Variants in CDK17 observed in about 807,000 individuals in gnomAD.
The protein encoded by CDK17 is cyclin-dependent kinase 17.
Under a neutral mutation model 77.6 loss-of-function variants are expected in CDK17, and 24 were observed. The ratio of observed to expected loss-of-function variants is 0.31; its 90% CI spans 0.22 to 0.44. The LOEUF is 0.44. Ranked by LOEUF, CDK17 falls within the 20% of genes least tolerant of loss-of-function variation. The probability of loss-of-function intolerance (pLI) is 1.00; values close to 1 mark genes in which losing one functional copy is unlikely to be tolerated. For synonymous variants in CDK17, 203 were observed against 210.4 expected (o/e 0.96, Z 0.30); for missense variants, 429 against 622.5 (o/e 0.69, Z 3.31).
At chr12:96,335,300 A>C (rs1308570898) in intron 1 of CDK17, 1 of 265,404 alleles carries the variant, frequency 3.8e-6, no homozygotes, top group East Asian at 1.1e-4. Context: ...GACAAAGAAC[A>C]ATGTTTGACA....
intron 5 of CDK17, among the ~76,000 whole-genome samples, chr12:96,304,524 A>T (rs972241275): frequency 1.4e-5 from 2 of 142,076 alleles, no homozygotes; most frequent in Non-Finnish European, 3.0e-5. Flanking sequence ...CGACAGAGCA[A>T]GACTCTGTCT....
Position 96,297,287 on chromosome 12 carries a change from T to G in CDK17, c.856A>C (p.Ser286Arg). The change falls in exon 9 of 17, where the codon AGT (serine) becomes CGT (arginine). Residue 286 changes from serine to arginine, a missense_variant. Coordinates refer to ENST00000261211, the MANE Select transcript of CDK17 (RefSeq NM_002595.5). ...AAACATACCTTTACGTTGTGCATAC[T>G]CATGATGTTTCCACAGTCATCCATG... ...QYMDDCGNIM[S>R]MHNVKLFLYQ... 6.2e-7 allele frequency: 1 copy of G among 1,610,812 alleles called. No individual in the cohort carries two copies. Among genetic ancestry groups the G allele is most frequent in the Non-Finnish European group, 8.5e-7 (1 of 1,177,860 alleles).
intron 6 of CDK17, 55 bp from the exon 7 acceptor site, chr12:96,299,038 T>A: frequency 1.3e-6 from 1 of 795,704 alleles, no homozygotes. Flanking sequence ...GTCTATTTAA[T>A]ACCATCTTAT....
intron 1 of CDK17, among the ~76,000 whole-genome samples, chr12:96,373,560 ACC>A (rs1346509007): frequency 1.3e-5 from 2 of 151,938 alleles, no homozygotes; most frequent in African/African-American, 4.8e-5. Context: ...GCGCCATTGC[ACC>A]CCAGCCTAGG....
intron 5 of CDK17, among the ~76,000 whole-genome samples, chr12:96,301,578 G>A (rs1952505094): frequency 6.6e-6 from 1 of 152,088 alleles, no homozygotes; most frequent in South Asian, 2.1e-4. Context: ...AATGGAAAAG[G>A]TAATGATAAT....
intron 2 of CDK17, among the ~76,000 whole-genome samples, chr12:96,327,193 G>C (rs994362692): frequency 6.6e-6 from 1 of 152,156 alleles, no homozygotes; most frequent in Non-Finnish European, 1.5e-5. Flanking sequence ...CAATGGTGGG[G>C]GGATTGGGAG....
intron 1 of CDK17, among the ~76,000 whole-genome samples, chr12:96,386,293 G>A (rs909587136): frequency 3.9e-5 from 6 of 152,152 alleles, no homozygotes; most frequent in Non-Finnish European, 8.8e-5. Flanking sequence ...ACTGCACCCA[G>A]GTAGAAAGTT....
intron 5 of CDK17, among the ~76,000 whole-genome samples, chr12:96,307,738 G>A (rs754613178): frequency 1.1e-4 from 16 of 152,058 alleles, no homozygotes; most frequent in Non-Finnish European, 2.2e-4. Context: ...AGGCATGGTG[G>A]CACATGCCTG....
At chr12:96,333,019 T>C (rs1441154406) in intron 2 of CDK17, among the ~76,000 whole-genome samples, 1 of 152,168 alleles carries the variant, frequency 6.6e-6, no homozygotes, top group Admixed American at 6.5e-5. Context: ...ACTAAAAATA[T>C]GTCCCAGAAA....
intron 3 of CDK17, among the ~76,000 whole-genome samples, chr12:96,319,167 AC>A (rs1292725584): frequency 6.6e-6 from 1 of 151,370 alleles, no homozygotes; most frequent in African/African-American, 2.4e-5. Flanking sequence ...AATACTACAA[AC>A]ACCTGTACGC....
chr12:96,354,988 G>C (rs1325569087), intron 1 of CDK17, among the ~76,000 whole-genome samples: 1 of 152,054 alleles, frequency 6.6e-6, no homozygotes, highest in East Asian at 1.9e-4. Flanking sequence ...ACAGCAGCCA[G>C]AGCAAACATA....
intron 1 of CDK17, among the ~76,000 whole-genome samples, chr12:96,338,226 T>C (rs1953073329): frequency 1.3e-5 from 2 of 152,186 alleles, no homozygotes; most frequent in Non-Finnish European, 1.5e-5. Context: ...TCTTTGCATG[T>C]TGTCATAGCC....
At chr12:96,372,855 A>G (rs549323788) in intron 1 of CDK17, among the ~76,000 whole-genome samples, 1 of 152,370 alleles carries the variant, frequency 6.6e-6, no homozygotes, top group East Asian at 1.9e-4. Context: ...CTATGAGGAT[A>G]TAGAAAAGCA....
At chr12:96,286,925 T>C (rs1389596306) in intron 11 of CDK17, among the ~76,000 whole-genome samples, 164 bp from the exon 12 acceptor site, 1 of 152,214 alleles carries the variant, frequency 6.6e-6, no homozygotes, top group Admixed American at 6.5e-5. Flanking sequence ...ATTTACCCTA[T>C]TTGTCTCAAT....
At position 96,282,674 on chromosome 12, in the gene CDK17, C is replaced by T. The variant is rs967238202; in HGVS notation, c.1366-75G>A. ...AAAAAGTAGGAGATGGGCAAATTAGCATTTAGAGCTACTTAAAAAAAATCT... is the reference window on the plus strand; with the variant it reads ...AAAAAGTAGGAGATGGGCAAATTAGTATTTAGAGCTACTTAAAAAAAATCT... On this transcript the variant is annotated intron_variant, in intron 14 of 16. Transcript: ENST00000261211. The T allele has an allele frequency of 1.3e-5, 11 of 857,340 alleles. No individual in the cohort carries two copies. The African/African-American group carries it at 1.7e-4, about 13-fold the overall frequency. The allele number at this position is 857,340 out of a possible 1,614,324, so 53.1% of individuals were successfully genotyped here. A position where few individuals can be genotyped will look rare whatever the true frequency, so the allele number is the denominator to read the frequency against.
In CDK17 at chr12:96,282,523, T is replaced by C. The variant is rs1952190702; in HGVS notation, c.1442A>G (p.His481Arg). Residue 481 changes from histidine to arginine, a missense_variant, in exon 15 of 17, where the codon CAT becomes CGT. This residue lies in a region of CDK17 where 115 missense variants were observed against 124.2 expected (regional missense o/e 0.93). Transcript: ENST00000261211. ...ATTTCTCTTACTTTCTGGTAAAGCA[T>C]GTATTCTTGGTCCCAGACTTCGAAA... ...VYFRSLGPRI[H>R]ALPESVSIFS... The C allele has an allele frequency of 1.9e-6, 3 of 1,604,602 alleles. No individual in the cohort carries two copies. The highest frequency in any genetic ancestry group is 4.5e-5 in the East Asian group (2 of 44,796).
intron 3 of CDK17, among the ~76,000 whole-genome samples, chr12:96,313,966 C>A (rs1228013480): frequency 6.6e-6 from 1 of 152,132 alleles, no homozygotes; most frequent in Admixed American, 6.6e-5. Context: ...AATGCAGTTT[C>A]TCCTCCCTGC....
At chr12:96,357,817 C>G (rs55813033) in intron 1 of CDK17, among the ~76,000 whole-genome samples, 11,414 of 152,086 alleles carry the variant, frequency 0.075, 506 homozygotes, top group African/African-American at 0.12. Flanking sequence ...GATTTTAATC[C>G]TGGGTACATA....
At chr12:96,392,597 G>C (rs933403980) in intron 1 of CDK17, among the ~76,000 whole-genome samples, 1 of 152,160 alleles carries the variant, frequency 6.6e-6, no homozygotes, top group Non-Finnish European at 1.5e-5. Context: ...ACAGAAAAGC[G>C]TAAGAAAGAA....
Sources: gnomAD v4.1 joint callset for allele counts (sites outside exome capture counted in the v4.1 genomes callset) on GRCh38, gnomAD v4.1.1 for gene constraint, gnomAD v4.1.1 regional missense constraint, MANE v1.5 for transcripts, NCBI Gene and HGNC (gene_info 2026-07-23, HGNC 2026-07-21) for gene names.